Variants in CSTPP1 observed in about 807,000 individuals in gnomAD.
CSTPP1 encodes the protein centriolar satellite-associated tubulin polyglutamylase complex regulator 1, also known as UPF0705 protein C11orf49.
chr11:47,110,890 C>T, the CSTPP1 span, among the ~76,000 whole-genome samples: 6 of 125,464 alleles, frequency 4.8e-5, no homozygotes, highest in Admixed American at 8.7e-5. Flanking sequence ...GAGAACACAT[C>T]TTTTTTTTTT....
At chr11:47,080,348 A>G in the CSTPP1 span, among the ~76,000 whole-genome samples, 2 of 151,946 alleles carry the variant, frequency 1.3e-5, no homozygotes, top group African/African-American at 4.8e-5. Flanking sequence ...CCAGCTGCTC[A>G]GGAGGCTGAG....
At chr11:46,938,602 T>C in the CSTPP1 span, among the ~76,000 whole-genome samples, 4 of 151,604 alleles carry the variant, frequency 2.6e-5, no homozygotes, top group Non-Finnish European at 5.9e-5. Flanking sequence ...TTTTCCAGAA[T>C]ATCATGTAGT....
chr11:47,111,056 A>AT, the CSTPP1 span, among the ~76,000 whole-genome samples: 5 of 151,720 alleles, frequency 3.3e-5, no homozygotes, highest in African/African-American at 7.3e-5. Context: ...CTCCTGGCTA[A>AT]TTTTTTTGTA....
At chr11:47,137,427 G>A in the CSTPP1 span, 1 of 1,511,704 alleles carries the variant, frequency 6.6e-7, no homozygotes, top group Admixed American at 2.0e-5. Flanking sequence ...TGGTCAAAAT[G>A]GTGTAACTGG....
At chr11:46,948,804 C>G in the CSTPP1 span, among the ~76,000 whole-genome samples, 1 of 152,176 alleles carries the variant, frequency 6.6e-6, no homozygotes, top group Non-Finnish European at 1.5e-5. Flanking sequence ...ACAGTGAACA[C>G]ATGAGCTTAA....
chr11:47,152,353 C>T, the CSTPP1 span, among the ~76,000 whole-genome samples: 3 of 152,172 alleles, frequency 2.0e-5, no homozygotes, highest in Non-Finnish European at 2.9e-5. Flanking sequence ...TCTTCTGCAA[C>T]GGCCCATCTC....
the CSTPP1 span, among the ~76,000 whole-genome samples, chr11:47,075,076 T>G: frequency 6.6e-6 from 1 of 152,300 alleles, no homozygotes; most frequent in East Asian, 1.9e-4. Context: ...TAGAGCACAC[T>G]AAAATTGTAA....
chr11:47,005,286 G>A, the CSTPP1 span, among the ~76,000 whole-genome samples: 1 of 152,110 alleles, frequency 6.6e-6, no homozygotes, highest in East Asian at 1.9e-4. Context: ...TTTCTTGCAT[G>A]GAAATGTTTT....
the CSTPP1 span, chr11:47,041,424 C>A: frequency 3.7e-6 from 1 of 271,992 alleles, no homozygotes; most frequent in Non-Finnish European, 7.7e-6. Flanking sequence ...GACAGCACGT[C>A]TGTGTTCATG....
the CSTPP1 span, among the ~76,000 whole-genome samples, chr11:47,113,566 A>G: frequency 6.6e-6 from 1 of 152,096 alleles, no homozygotes; most frequent in East Asian, 1.9e-4. Flanking sequence ...ATGGTATTTC[A>G]TTATGGTTTT....
At chr11:46,996,872 G>A in the CSTPP1 span, among the ~76,000 whole-genome samples, 156 of 152,306 alleles carry the variant, frequency 1.0e-3, 1 homozygote, top group Non-Finnish European at 5.7e-4. Context: ...TAAGAATGTT[G>A]AATATTGGCC....
the CSTPP1 span, among the ~76,000 whole-genome samples, chr11:47,077,612 A>C: frequency 2.6e-5 from 4 of 152,204 alleles, no homozygotes; most frequent in Admixed American, 1.3e-4. Context: ...TAAGTTTAGG[A>C]AGATGAAATT....
chr11:47,156,980 G>C, the CSTPP1 span: 1 of 1,604,254 alleles, frequency 6.2e-7, no homozygotes, highest in South Asian at 1.1e-5. Context: ...TGTCCTCCCT[G>C]CCTGAGCCGT....
the CSTPP1 span, among the ~76,000 whole-genome samples, chr11:47,048,378 G>C: frequency 1.3e-5 from 2 of 152,082 alleles, no homozygotes; most frequent in Non-Finnish European, 2.9e-5. Context: ...CCAACACTTT[G>C]GGAAGGTACG....
chr11:47,053,186 T>C, the CSTPP1 span, among the ~76,000 whole-genome samples: 1 of 152,162 alleles, frequency 6.6e-6, no homozygotes, highest in East Asian at 1.9e-4. Flanking sequence ...GTAGAACATA[T>C]GCTGAAGCAC....
the CSTPP1 span, among the ~76,000 whole-genome samples, chr11:47,078,640 C>T: frequency 6.6e-6 from 1 of 151,994 alleles, no homozygotes. Flanking sequence ...AGATTTCTTT[C>T]TCTGAAAGAA....
At chr11:47,070,012 C>T in the CSTPP1 span, among the ~76,000 whole-genome samples, 3 of 152,274 alleles carry the variant, frequency 2.0e-5, no homozygotes, top group African/African-American at 7.2e-5. Flanking sequence ...CGCACCCGGC[C>T]GTTGTTGCTT....
chr11:47,067,386 G>T, the CSTPP1 span, among the ~76,000 whole-genome samples: 25 of 152,230 alleles, frequency 1.6e-4, no homozygotes, highest in African/African-American at 6.0e-4. Context: ...TGACTCAAAG[G>T]CTAGTATGAC....
chr11:46,959,857 T>A, the CSTPP1 span, among the ~76,000 whole-genome samples: 5 of 149,554 alleles, frequency 3.3e-5, no homozygotes, highest in Non-Finnish European at 7.4e-5. Context: ...TTCAGTGGGG[T>A]TTAAATAATT....
Sources: allele counts gnomAD v4.1 joint callset (sites outside exome capture counted in the v4.1 genomes callset), GRCh38; gene constraint gnomAD v4.1.1; transcripts MANE v1.5; gene names NCBI Gene and HGNC (gene_info 2026-07-23, HGNC 2026-07-21).